The following TASOR2 variants were observed in gnomAD, a reference collection of about 807,000 sequenced individuals.
TASOR2 encodes transcription activation suppressor family member 2.
In TASOR2, 84 loss-of-function variants were observed where a neutral mutation model predicts 199.5. That is an observed-to-expected ratio of 0.42 (90% CI 0.35 to 0.50). TASOR2 has a LOEUF of 0.50. Ranked by LOEUF, TASOR2 falls within the 20% of genes least tolerant of loss-of-function variation. The pLI is 0.02. For missense variants in TASOR2, 2,796 were observed against 2,835.9 expected (o/e 0.99, Z 0.32); for synonymous variants, 1,103 against 1,046.6 (o/e 1.05, Z -1.04).
At chr10:5,736,487 C>T (rs911958320) in intron 12 of TASOR2, among the ~76,000 whole-genome samples, 1 of 151,956 alleles carries the variant, frequency 6.6e-6, no homozygotes, top group African/African-American at 2.4e-5. Flanking sequence ...CTCCTGAGCT[C>T]AAGTGATCCT....
rs1840145725 is a variant in TASOR2 at position 5,763,132 on chromosome 10, T to TAA, written c.*101_*102insAA. On this transcript the variant is annotated 3_prime_UTR_variant, in exon 21 of 21. Transcript: ENST00000328090. ...ATGTGAATACACATGTGAACAGTCT[T>TAA]ACATTTGAAAAACCAATGTTCTACA... 7 of 1,137,934 alleles carry TAA rather than the reference T, an allele frequency of 6.2e-6. No homozygotes were observed. The Admixed American group carries it at 1.3e-4, about 21-fold the overall frequency. The allele number at this position is 1,137,934 out of a possible 1,614,324, so 70.5% of individuals were successfully genotyped here.
rs1470681644 is a variant in TASOR2 at position 5,748,540 on chromosome 10, A to G, written c.5119A>G (p.Thr1707Ala). 6.2e-7 allele frequency: 1 copy of G among 1,613,492 alleles called. No individual in the cohort carries two copies. The highest frequency in any genetic ancestry group is 1.1e-5 in the South Asian group (1 of 91,082). ...GCCTGAAGCTGAGTTACATAAAGAA[A>G]CCACAGGTCCAGGCACTGCTGGCCC... is the stretch of plus-strand genomic sequence containing the variant. The change falls in exon 15 of 21, where the codon ACC becomes GCC. Residue 1707 changes from threonine (T) to alanine (A), a missense_variant. Thr to Ala is a moderately conservative substitution (Grantham distance 58). Coordinates refer to ENST00000328090, the Ensembl canonical transcript of TASOR2. The surrounding 1 kb of genome is among the most constrained non-coding windows in gnomAD (Gnocchi z 5.1).
chr10:5,757,384 A>T, intron 16 of TASOR2, 136 bp from the exon 18 acceptor site: 1 of 838,200 alleles, frequency 1.2e-6, no homozygotes, highest in Non-Finnish European at 1.9e-6. Context: ...GGGCAGAATG[A>T]CCAGTCGGTA....
At position 5,754,815 on chromosome 10, in the gene TASOR2, G is replaced by A. The variant is rs957207011; in HGVS notation, c.6607-1798G>A. On this transcript the variant is annotated intron_variant, in intron 15 of 20. Coordinates refer to ENST00000328090, the Ensembl canonical transcript of TASOR2. This position sits in a 1 kb window ranked among gnomAD's most constrained non-coding sequence, Gnocchi z 4.3. ...TCCCAGCACTTTGGGAGGCCGAGGT[G>A]GGCGGATCACAAGGTCAGGAGATTG... 6.6e-6 allele frequency among the ~76,000 whole-genome samples: 1 copy of A among 150,954 alleles called. No homozygotes were observed. The highest frequency in any genetic ancestry group is 2.4e-5 in the African/African-American group (1 of 41,022).
Position 5,742,643 on chromosome 10 carries a change from G to A in TASOR2, c.2757+117G>A. ...AAATTTTAGGACAGTGAATTCTCAA[G>A]GTATGTAAAGAACTATTACACCAAA... On this transcript the variant is annotated intron_variant, in intron 14 of 20. Coordinates refer to ENST00000328090, the Ensembl canonical transcript of TASOR2. This position sits in a 1 kb window ranked among gnomAD's most constrained non-coding sequence, Gnocchi z 4.2. 1 of 966,404 alleles carries A rather than the reference G, an allele frequency of 1.0e-6. No individual in the cohort carries two copies. The highest frequency in any genetic ancestry group is 1.6e-5 in the South Asian group (1 of 61,990). 59.9% of individuals were successfully genotyped at this position (966,404 alleles called of 1,614,324 possible).
rs990127318 is a variant in TASOR2, at chr10:5,690,528, T to C, written c.-288+5353T>C. Reference sequence around the variant, plus strand: ...TTATCTGTGCCCAGGACATTTTGCGTGGGCTACGTGTAGAGGTGGTGGCCA... The same window carrying C: ...TTATCTGTGCCCAGGACATTTTGCGCGGGCTACGTGTAGAGGTGGTGGCCA... On this transcript the variant is annotated intron_variant, in intron 1 of 20. Transcript: ENST00000328090. This position sits in a 1 kb window ranked among gnomAD's most constrained non-coding sequence, Gnocchi z 4.8. Among the ~76,000 whole-genome samples, 1 of 152,190 alleles carries C rather than the reference T, an allele frequency of 6.6e-6. No individual in the cohort carries two copies. Among genetic ancestry groups the C allele is most frequent in the African/African-American group, 2.4e-5 (1 of 41,440 alleles).
At chr10:5,747,346 G>A in exon 15 of TASOR2, 4 of 1,614,028 alleles carry the variant, frequency 2.5e-6, no homozygotes, top group Non-Finnish European at 3.4e-6. Flanking sequence ...ATTTGAGGAG[G>A]CCCCATTCTC....
chr10:5,712,276 A>G, intron 1 of TASOR2: 1 of 682,294 alleles, frequency 1.5e-6, no homozygotes, highest in Non-Finnish European at 2.1e-6. Flanking sequence ...CAGTACAAAT[A>G]TTTCTTAGTT....
At chr10:5,739,987 A>G (rs1398738549) in exon 13 of TASOR2, 1 of 1,614,154 alleles carries the variant, frequency 6.2e-7, no homozygotes, top group South Asian at 1.1e-5. Flanking sequence ...AGGAAGAGTA[A>G]TTCTGGATCA....
rs749291644 is a variant in TASOR2, at chr10:5,761,512, G to T, written c.7174+41G>T. The T allele has an allele frequency of 1.7e-5, 27 of 1,580,934 alleles. No individual in the cohort carries two copies. In the South Asian group the frequency reaches 2.7e-4, roughly 16 times the overall value. ...ATTTTACTCAGTTAATGCCAAAATT[G>T]GTCAGCTCTAGGAATGTCAAAGTTA... On this transcript the variant is annotated intron_variant, in intron 19 of 20. Transcript: ENST00000328090.
exon 15 of TASOR2, chr10:5,746,907 A>G (rs756663259): frequency 3.7e-6 from 6 of 1,614,130 alleles, no homozygotes; most frequent in South Asian, 3.3e-5. Context: ...TGGAGGCACT[A>G]TCATTAGCTA....
At chr10:5,727,711 T>TC (rs1388066006) in intron 10 of TASOR2, among the ~76,000 whole-genome samples, 2 of 152,144 alleles carry the variant, frequency 1.3e-5, no homozygotes, top group African/African-American at 4.8e-5. Context: ...AGCTTATTCT[T>TC]CCTCCTATCT....
chr10:5,692,788 C>G (rs1292229772), intron 1 of TASOR2: 2 of 152,148 alleles, frequency 1.3e-5, no homozygotes, highest in Non-Finnish European at 2.9e-5. Context: ...CCGCCGGCCC[C>G]GCGCCCTACA....
Position 5,758,932 on chromosome 10 carries a change from A to G in TASOR2, c.6932A>G (p.Asn2311Ser), listed in dbSNP as rs369123586. 1.9e-5 allele frequency: 30 copies of G among 1,614,078 alleles called. No individual in the cohort carries two copies. The highest frequency in any genetic ancestry group is 6.7e-5 in the Admixed American group (4 of 60,008). The stretch of plus-strand genomic sequence containing the variant: ...AAAATCCTGGAAAAACTAAATGGAA[A>G]TGGAAGATGGAAGTGGTTGCTTCAC... The change falls in exon 18 of 21, where the codon AAT becomes AGT. Residue 2311 changes from asparagine (N) to serine (S), a missense_variant. Coordinates refer to ENST00000328090, the Ensembl canonical transcript of TASOR2.
chr10:5,750,109 C>CA lies in TASOR2; in HGVS notation c.6606+87dup. 1 of 1,406,190 alleles carries CA rather than the reference C, an allele frequency of 7.1e-7. No individual in the cohort carries two copies. Among genetic ancestry groups the CA allele is most frequent in the Non-Finnish European group, 9.4e-7 (1 of 1,059,020 alleles). The allele number at this position is 1,406,190 out of a possible 1,614,324, so 87.1% of individuals were successfully genotyped here. A position where few individuals can be genotyped will look rare whatever the true frequency, so the allele number is the denominator to read the frequency against. On this transcript the variant is annotated intron_variant, in intron 15 of 20. Transcript: ENST00000328090. This position sits in a 1 kb window ranked among gnomAD's most constrained non-coding sequence, Gnocchi z 5.4. ...ATAATAAATTTAGCATATTAGCCAT[C>CA]AAAAAGAAATCATGGTATGACATAG...
In TASOR2 at chr10:5,746,300, T is replaced by C. The variant is rs576381933; in HGVS notation, c.2879T>C (p.Leu960Pro). 3.1e-6 allele frequency: 5 copies of C among 1,614,190 alleles called. No homozygotes were observed. The African/African-American group carries it at 5.3e-5, about 17-fold the overall frequency. ...AGTGAAGAAGAAATTGTTCAGCCAC[T>C]GGATAGCACAAGAGTGGCTTCTTAC... The change falls in exon 15 of 21, where the codon CTG becomes CCG. Residue 960 changes from leucine to proline, a missense_variant. Around this residue, in one of 3 missense-constraint regions of TASOR2, gnomAD observed 1,941 missense variants for 1,924.9 expected, o/e 1.01. Transcript: ENST00000328090.
In TASOR2 at chr10:5,710,583, A is replaced by C. The variant is rs1312394231; in HGVS notation, c.-287-2240A>C. On this transcript the variant is annotated intron_variant, in intron 1 of 20. Coordinates refer to ENST00000328090, the Ensembl canonical transcript of TASOR2. This position sits in a 1 kb window ranked among gnomAD's most constrained non-coding sequence, Gnocchi z 4.6. ...GGGAAACCCTGTATTAGTGTTTTTA[A>C]TTGCACCATCTCTTCAGTTTTCAGT... Among the ~76,000 whole-genome samples the C allele has an allele frequency of 1.3e-5, 2 of 152,016 alleles. No individual in the cohort carries two copies. The highest frequency in any genetic ancestry group is 4.8e-5 in the African/African-American group (2 of 41,412).
In TASOR2 at chr10:5,698,183, T is replaced by C. The variant is rs572734432; in HGVS notation, c.-288+13008T>C. On this transcript the variant is annotated intron_variant, in intron 1 of 20. Coordinates refer to ENST00000328090, the Ensembl canonical transcript of TASOR2. This position sits in a 1 kb window ranked among gnomAD's most constrained non-coding sequence, Gnocchi z 4.4. ...AGTGATAACATATCAGTTTCAAGCC[T>C]AAGCCTTAAGAGGCCTTGGGTATTT... Among the ~76,000 whole-genome samples, 2 of 152,376 alleles carry C rather than the reference T, an allele frequency of 1.3e-5. No individual in the cohort carries two copies. The highest frequency in any genetic ancestry group is 4.1e-4 in the South Asian group (2 of 4,828).
rs116557830 is a variant in TASOR2, at chr10:5,712,745, A to C, written c.-287-78A>C. ...TAGTCTTAATGGCAGGAAGAATTCA[A>C]ATGATGCATTTTTAAAAATTTGCAA... On this transcript the variant is annotated intron_variant, in intron 1 of 20. Coordinates refer to ENST00000328090, the Ensembl canonical transcript of TASOR2. 1,202 of 804,534 alleles carry C rather than the reference A, an allele frequency of 1.5e-3. 5 individuals are homozygous for C. The African/African-American group carries it at 0.018, about 12-fold the overall frequency. 49.8% of individuals were successfully genotyped at this position (804,534 alleles called of 1,614,324 possible).
Sources: allele counts gnomAD v4.1 joint callset (sites outside exome capture counted in the v4.1 genomes callset), GRCh38; gene constraint gnomAD v4.1.1; regional missense constraint gnomAD v4.1.1; non-coding constraint Gnocchi (gnomAD v3.1); transcripts MANE v1.5; gene names NCBI Gene and HGNC (gene_info 2026-07-23, HGNC 2026-07-21).